Variants in ANKMY1 observed in about 807,000 individuals in gnomAD.
The protein encoded by ANKMY1 is ankyrin repeat and MYND domain-containing protein 1.
ANKMY1 carries 98 observed loss-of-function variants against 102.0 expected under a neutral mutation model. The ratio of observed to expected loss-of-function variants is 0.96; its 90% CI spans 0.82 to 1.14. ANKMY1 has a LOEUF of 1.14. Among genes scored for constraint, ANKMY1 ranks in the 50% most tolerant of loss-of-function variants. The probability of loss-of-function intolerance (pLI) is 0.00; values close to 1 mark genes in which losing one functional copy is unlikely to be tolerated. For synonymous variants in ANKMY1, 582 were observed against 559.9 expected (o/e 1.04, Z -0.56); for missense variants, 1,330 against 1,347.6 (o/e 0.99, Z 0.20).
At chr2:240,474,241 G>A in the ANKMY1 span, among the ~76,000 whole-genome samples, 18 of 147,278 alleles carry the variant, frequency 1.2e-4, no homozygotes, top group Non-Finnish European at 2.2e-4. Context: ...GACTACAGGC[G>A]CCCACCACCA....
chr2:240,559,588 C>A (rs533003613), upstream of ANKMY1, among the ~76,000 whole-genome samples: 328 of 152,074 alleles, frequency 2.2e-3, 1 homozygote, highest in African/African-American at 7.6e-3. Flanking sequence ...CTCCCATGAA[C>A]GCCAGGGAAA....
chr2:240,502,517 G>A (rs1239161573), intron 13 of ANKMY1, among the ~76,000 whole-genome samples: 1 of 151,950 alleles, frequency 6.6e-6, no homozygotes. Context: ...AGGGTATGCA[G>A]TGTGTGCTTT....
At chr2:240,549,552 G>T (rs2091116984) in intron 4 of ANKMY1, among the ~76,000 whole-genome samples, 2 of 152,222 alleles carry the variant, frequency 1.3e-5, no homozygotes, top group Admixed American at 1.3e-4. Context: ...CACAGCAAAA[G>T]AAACTACCAT....
chr2:240,488,368 T>C (rs1244971519), intron 15 of ANKMY1, among the ~76,000 whole-genome samples: 3 of 152,272 alleles, frequency 2.0e-5, no homozygotes, highest in Non-Finnish European at 2.9e-5. Flanking sequence ...TTTTGGTTAC[T>C]ATAGCTTTGT....
chr2:240,471,242 G>A, the ANKMY1 span, among the ~76,000 whole-genome samples: 1 of 151,320 alleles, frequency 6.6e-6, no homozygotes. Context: ...CAACGCCTCA[G>A]GGACAGGAAC....
intron 4 of ANKMY1, among the ~76,000 whole-genome samples, chr2:240,549,499 C>A (rs1358511999): frequency 2.0e-5 from 3 of 152,146 alleles, no homozygotes; most frequent in Non-Finnish European, 2.9e-5. Flanking sequence ...GCAACAAAAG[C>A]CAAAATTGAC....
At chr2:240,530,782 C>T (rs11681349) in intron 4 of ANKMY1, among the ~76,000 whole-genome samples, 22,489 of 152,072 alleles carry the variant, frequency 0.15, 2,753 homozygotes, top group East Asian at 0.68. Flanking sequence ...GGTGTGATGA[C>T]GCACACCTGT....
At chr2:240,498,025 C>A (rs539797330) in intron 15 of ANKMY1, among the ~76,000 whole-genome samples, 2 of 152,088 alleles carry the variant, frequency 1.3e-5, no homozygotes, top group African/African-American at 4.8e-5. Flanking sequence ...CAAGGCAGAG[C>A]CTGTATCCCC....
chr2:240,544,847 C>T (rs1199458826), intron 4 of ANKMY1, among the ~76,000 whole-genome samples: 4 of 152,246 alleles, frequency 2.6e-5, no homozygotes, highest in South Asian at 2.1e-4. Flanking sequence ...GCACCTGGCT[C>T]GGAGGGTCCT....
rs1334774794 is a variant in ANKMY1 at position 240,479,761 on chromosome 2, C to G, written c.3047-106G>C. The stretch of plus-strand genomic sequence containing the variant: ...CTGTGTGGGGCGGCTGAGGACTGTG[C>G]TCTGTCTAGAGCTTTTGCAGGCAAG... On this transcript the variant is annotated intron_variant, in intron 17 of 17. Transcript: ENST00000401804. 2.1e-5 allele frequency: 21 copies of G among 990,252 alleles called. No homozygotes were observed. In the East Asian group the frequency reaches 4.5e-4, roughly 21 times the overall value. The allele number at this position is 990,252 out of a possible 1,614,324, so 61.3% of individuals were successfully genotyped here. A position where few individuals can be genotyped will look rare whatever the true frequency, so the allele number is the denominator to read the frequency against.
At chr2:240,537,675 AAAC>A (rs2087175121) in intron 4 of ANKMY1, among the ~76,000 whole-genome samples, 1 of 152,228 alleles carries the variant, frequency 6.6e-6, no homozygotes, top group East Asian at 1.9e-4. Flanking sequence ...GACATGTACA[AAAC>A]AACGAAGTGT....
At chr2:240,490,777 T>C (rs925668258) in intron 15 of ANKMY1, among the ~76,000 whole-genome samples, 1 of 152,194 alleles carries the variant, frequency 6.6e-6, no homozygotes, top group Non-Finnish European at 1.5e-5. Flanking sequence ...ATATTCCATG[T>C]GCTGATGAAA....
At chr2:240,525,964 T>A in intron 6 of ANKMY1, 115 bp from the exon 7 acceptor site, 2 of 1,335,766 alleles carry the variant, frequency 1.5e-6, no homozygotes, top group South Asian at 2.6e-5. Flanking sequence ...CAGGAACCAG[T>A]GCTCATTCGG....
intron 5 of ANKMY1, chr2:240,526,703 G>A: frequency 7.2e-7 from 1 of 1,393,644 alleles, no homozygotes; most frequent in East Asian, 2.7e-5. Flanking sequence ...GGAATGTGCT[G>A]GCTGCGAGTA....
rs1209447265 is a variant in ANKMY1 at position 240,524,213 on chromosome 2, G to A, written c.1504C>T (p.His502Tyr). The change falls in exon 8 of 18, where the codon CAC (histidine) becomes TAC (tyrosine). Residue 502 changes from histidine to tyrosine, a missense_variant. By Grantham distance (83) the His-to-Tyr change is moderately conservative. Coordinates refer to ENST00000401804, the MANE Select transcript of ANKMY1 (RefSeq NM_001282771.3). ...PRVSGSHEGG[H>Y]FQDTGQCGGS... ...CCACACTGCCCGGTGTCCTGGAAGT[G>A]GCCGCCCTCGTGGCTGCCTGAGACG... 4 of 1,613,894 alleles carry A rather than the reference G, an allele frequency of 2.5e-6. No homozygotes were observed. The South Asian group carries it at 4.4e-5, about 18-fold the overall frequency.
At chr2:240,560,998 A>T, upstream of ANKMY1, 1 of 1,541,716 alleles carries the variant, frequency 6.5e-7, no homozygotes, top group Non-Finnish European at 8.6e-7. Flanking sequence ...TACTGCAAGA[A>T]CGGCCGCAGC....
intron 15 of ANKMY1, among the ~76,000 whole-genome samples, chr2:240,495,525 C>T (rs1297917050): frequency 1.3e-5 from 2 of 152,200 alleles, no homozygotes; most frequent in Non-Finnish European, 2.9e-5. Context: ...TCCTCTCTCT[C>T]TCCACCTCGG....
chr2:240,538,436 G>A (rs1194366032), intron 4 of ANKMY1, among the ~76,000 whole-genome samples: 5 of 152,184 alleles, frequency 3.3e-5, no homozygotes, highest in Non-Finnish European at 5.9e-5. Flanking sequence ...CAGAAGCTGC[G>A]GAGGGTGCGC....
intron 17 of ANKMY1, among the ~76,000 whole-genome samples, chr2:240,480,449 G>A (rs996249675): frequency 6.6e-6 from 1 of 152,240 alleles, no homozygotes; most frequent in Non-Finnish European, 1.5e-5. Context: ...AGACCAGAGT[G>A]TTTCTAGAAG....
Sources: allele counts gnomAD v4.1 joint callset (sites outside exome capture counted in the v4.1 genomes callset), GRCh38; gene constraint gnomAD v4.1.1; transcripts MANE v1.5; gene names NCBI Gene and HGNC (gene_info 2026-07-23, HGNC 2026-07-21).